PPP2R3A: variants seen among roughly 807,000 people sequenced by gnomAD.
The protein encoded by PPP2R3A is protein phosphatase 2 regulatory subunit B''alpha.
PPP2R3A carries 80 observed loss-of-function variants against 106.9 expected under a neutral mutation model. That is an observed-to-expected ratio of 0.75 (90% CI 0.62 to 0.90). The LOEUF is 0.90. Ranked by LOEUF, PPP2R3A falls within the 40% of genes least tolerant of loss-of-function variation. PPP2R3A has a pLI of 0.00. For synonymous variants in PPP2R3A, 483 were observed against 468.3 expected (o/e 1.03, Z -0.41); for missense variants, 1,386 against 1,350.4 (o/e 1.03, Z -0.41).
chr3:136,128,798 C>T (rs1938287056), intron 13 of PPP2R3A, among the ~76,000 whole-genome samples: 1 of 152,094 alleles, frequency 6.6e-6, no homozygotes, highest in East Asian at 1.9e-4. Context: ...TGTAAAAGAA[C>T]AGAAATTATA....
chr3:136,101,121 G>C (rs1937348472), intron 10 of PPP2R3A, among the ~76,000 whole-genome samples: 1 of 152,208 alleles, frequency 6.6e-6, no homozygotes, highest in South Asian at 2.1e-4. Context: ...GCCCAGATTA[G>C]AGTAGGTCAG....
intron 1 of PPP2R3A, among the ~76,000 whole-genome samples, chr3:135,986,260 G>A (rs116366481): frequency 9.1e-4 from 139 of 152,182 alleles, no homozygotes; most frequent in African/African-American, 3.1e-3. Flanking sequence ...AGGGCTCAGC[G>A]GAAGGGTTAA....
At chr3:136,078,857 T>C (rs1030075462) in intron 7 of PPP2R3A, among the ~76,000 whole-genome samples, 1 of 152,214 alleles carries the variant, frequency 6.6e-6, no homozygotes, top group Admixed American at 6.5e-5. Context: ...TGACTCTGTA[T>C]CCAGCACCTG....
chr3:136,045,110 T>C (rs1193424548), intron 4 of PPP2R3A, among the ~76,000 whole-genome samples: 1 of 152,206 alleles, frequency 6.6e-6, no homozygotes, highest in Non-Finnish European at 1.5e-5. Context: ...CCAGGGCGTA[T>C]CTGATCCATG....
chr3:136,106,135 T>C, intron 12 of PPP2R3A, 81 bp from the exon 13 acceptor site: 2 of 1,141,960 alleles, frequency 1.8e-6, no homozygotes, highest in South Asian at 1.4e-5. Flanking sequence ...TTTTCAGCAG[T>C]ATACATTTGT....
intron 2 of PPP2R3A, among the ~76,000 whole-genome samples, chr3:136,013,971 A>G (rs1055871494): frequency 2.6e-5 from 4 of 152,156 alleles, no homozygotes; most frequent in Admixed American, 1.3e-4. Flanking sequence ...TTATGGTTTC[A>G]GGTCTTAGAT....
At chr3:136,067,193 AACTC>A (rs1156367401) in intron 5 of PPP2R3A, among the ~76,000 whole-genome samples, 6 of 152,248 alleles carry the variant, frequency 3.9e-5, no homozygotes, top group Admixed American at 6.5e-5. Flanking sequence ...TAATAAAACT[AACTC>A]AATAAAATAT....
intron 2 of PPP2R3A, among the ~76,000 whole-genome samples, chr3:136,010,417 AT>A (rs56962010): frequency 0.042 from 2,140 of 50,912 alleles, 9 homozygotes; most frequent in Middle Eastern, 0.061. Context: ...CGCTCGGCTA[AT>A]TTTTTTTTTT....
rs541411483 is a variant in PPP2R3A, at chr3:136,086,163, C to A, written c.2789-1720C>A. ...AAAAAAGGTTTGTTGTATATGATGT[C>A]AGGTTTCATAGAGCTTTGCGTATTT... On this transcript the variant is annotated intron_variant, in intron 8 of 13. Coordinates refer to ENST00000264977, the MANE Select transcript of PPP2R3A (RefSeq NM_002718.5). 2.6e-5 allele frequency among the ~76,000 whole-genome samples: 4 copies of A among 151,492 alleles called. No homozygotes were observed. In the East Asian group the frequency reaches 7.8e-4, roughly 30 times the overall value.
In PPP2R3A at chr3:136,032,780, C is replaced by T. The variant is rs180906664; in HGVS notation, c.2262+5682C>T. ...CGATCTCCTGACCTCGTGATCTGCCCGCCTCGGCCTTCCAAAGTGCTGGGA... is the reference window on the plus strand; with the variant it reads ...CGATCTCCTGACCTCGTGATCTGCCTGCCTCGGCCTTCCAAAGTGCTGGGA... On this transcript the variant is annotated intron_variant, in intron 3 of 13. Transcript: ENST00000264977. 2.9e-3 allele frequency among the ~76,000 whole-genome samples: 439 copies of T among 152,188 alleles called. 11 individuals carry two copies. The highest frequency in any genetic ancestry group is 3.4e-4 in the Non-Finnish European group (23 of 67,980).
At chr3:136,053,228 C>G (rs1246747866) in intron 5 of PPP2R3A, among the ~76,000 whole-genome samples, 1 of 152,062 alleles carries the variant, frequency 6.6e-6, no homozygotes, top group African/African-American at 2.4e-5. Flanking sequence ...TACCACAAAG[C>G]CCTGTGACAT....
At chr3:136,138,185 A>AT (rs1264719752) in intron 13 of PPP2R3A, among the ~76,000 whole-genome samples, 1 of 152,090 alleles carries the variant, frequency 6.6e-6, no homozygotes, top group East Asian at 1.9e-4. Context: ...TTAATGTTTT[A>AT]TTTTTTTCCA....
At chr3:135,997,862 T>C (rs1933462340) in intron 1 of PPP2R3A, among the ~76,000 whole-genome samples, 2 of 152,210 alleles carry the variant, frequency 1.3e-5, no homozygotes, top group Non-Finnish European at 2.9e-5. Context: ...CTTGCATGGA[T>C]TATTATCATA....
intron 6 of PPP2R3A, among the ~76,000 whole-genome samples, chr3:136,076,334 CT>C: frequency 6.6e-6 from 1 of 152,290 alleles, no homozygotes; most frequent in South Asian, 2.1e-4. Flanking sequence ...CTTATTTTTT[CT>C]CAAGATTAAA....
chr3:136,103,629 C>A (rs1349734336), intron 12 of PPP2R3A, among the ~76,000 whole-genome samples: 1 of 152,136 alleles, frequency 6.6e-6, no homozygotes, highest in Non-Finnish European at 1.5e-5. Flanking sequence ...TCTACTGATA[C>A]ACACACTGGA....
chr3:136,030,778 A>ATATATATATATGTATG (rs1206335696), intron 3 of PPP2R3A, among the ~76,000 whole-genome samples: 21 of 111,294 alleles, frequency 1.9e-4, no homozygotes, highest in Admixed American at 3.4e-4. Flanking sequence ...ATATATATAT[A>ATATATATATATGTATG]TATGTATGTA....
At chr3:136,123,224 G>T (rs1484067731) in intron 13 of PPP2R3A, among the ~76,000 whole-genome samples, 1 of 152,008 alleles carries the variant, frequency 6.6e-6, no homozygotes, top group Non-Finnish European at 1.5e-5. Context: ...CAGGAGAGAT[G>T]GACTATATAA....
intron 6 of PPP2R3A, among the ~76,000 whole-genome samples, chr3:136,073,286 A>G (rs1936495798): frequency 6.6e-6 from 1 of 152,144 alleles, no homozygotes. Context: ...AAGTTTTATG[A>G]TTTTAGAGTG....
At chr3:135,990,632 G>A (rs1933120848) in intron 1 of PPP2R3A, among the ~76,000 whole-genome samples, 1 of 152,056 alleles carries the variant, frequency 6.6e-6, no homozygotes, top group Admixed American at 6.6e-5. Context: ...GCTTGTACAG[G>A]AATTTAGAAA....
Sources: gnomAD v4.1 joint callset for allele counts (sites outside exome capture counted in the v4.1 genomes callset) on GRCh38, gnomAD v4.1.1 for gene constraint, MANE v1.5 for transcripts, NCBI Gene and HGNC (gene_info 2026-07-23, HGNC 2026-07-21) for gene names.